The following PAPPA variants were observed in gnomAD, a reference collection of about 807,000 sequenced individuals.
The protein encoded by PAPPA is pappalysin 1.
In PAPPA, 60 loss-of-function variants were observed where a neutral mutation model predicts 164.0. That is an observed-to-expected ratio of 0.37 (90% CI 0.30 to 0.45). The LOEUF (loss-of-function observed/expected upper bound fraction) is 0.45, where lower values mean the gene tolerates loss of function less well. Among genes scored for constraint, PAPPA ranks in the 20% least tolerant of loss-of-function variants. The pLI is 1.00. For synonymous variants in PAPPA, 875 were observed against 814.1 expected, an observed-to-expected ratio of 1.07 and a Z score of -1.27; for missense variants, 1,782 against 2,087.3, an observed-to-expected ratio of 0.85 and a Z score of 2.85.
chr9:116,235,303 G>A lies in PAPPA; in HGVS notation c.2398G>A (p.Val800Met), dbSNP rs1338600568. 1.2e-6 allele frequency: 2 copies of A among 1,614,118 alleles called. No homozygotes were observed. The highest frequency in any genetic ancestry group is 1.7e-5 in the Admixed American group (1 of 60,024). ...PLVPESLTIWVTFVSTDWDSS... is the reference protein window; with the variant it reads ...PLVPESLTIWMTFVSTDWDSS... The stretch of plus-strand genomic sequence containing the variant: ...GGTCCCTGAGTCTCTGACCATTTGG[G>A]TGACCTTTGTCTCCACTGACTGGGA... The change falls in exon 7 of 22, where the codon GTG (valine) becomes ATG (methionine). Residue 800 changes from valine to methionine, a missense_variant. Physicochemically the swap from Val to Met is conservative, Grantham distance 21. Transcript: ENST00000328252.
chr9:116,378,984 G>C (rs1846691432), intron 20 of PAPPA, among the ~76,000 whole-genome samples: 1 of 152,186 alleles, frequency 6.6e-6, no homozygotes, highest in Non-Finnish European at 1.5e-5. Flanking sequence ...TCAAAGCCAA[G>C]GCCCTGTGGC....
intron 1 of PAPPA, among the ~76,000 whole-genome samples, chr9:116,168,296 A>G (rs979612699): frequency 7.2e-5 from 11 of 152,154 alleles, no homozygotes; most frequent in Non-Finnish European, 1.0e-4. Flanking sequence ...CAATTTTTAT[A>G]TATTATACAT....
At chr9:116,289,145 T>TAGC (rs1302450986) in intron 9 of PAPPA, among the ~76,000 whole-genome samples, 1 of 33,616 alleles carries the variant, frequency 3.0e-5, no homozygotes, top group Non-Finnish European at 6.0e-5. Context: ...TATATATATA[T>TAGC]ATATATATAT....
intron 2 of PAPPA, among the ~76,000 whole-genome samples, chr9:116,204,362 CG>C (rs781613346): frequency 6.4e-4 from 97 of 152,192 alleles, no homozygotes; most frequent in Middle Eastern, 6.8e-3. Flanking sequence ...TCCAACTCTG[CG>C]TGAGTCTGGG....
chr9:116,208,629 A>G (rs1184809936), intron 3 of PAPPA, among the ~76,000 whole-genome samples: 2 of 152,236 alleles, frequency 1.3e-5, no homozygotes, highest in Non-Finnish European at 2.9e-5. Context: ...GTTCAGGCTC[A>G]GCAGTGACAG....
rs1846517726 is a variant in PAPPA at position 116,367,567 on chromosome 9, G to A, written c.4496-78G>A. ...CCACCAGGGACCAGGGAGTGGGAGG[G>A]CCCACTCTGCAGGAGGGCAGTTTGC... On this transcript the variant is annotated intron_variant, in intron 18 of 21. Coordinates refer to ENST00000328252, the MANE Select transcript of PAPPA (RefSeq NM_002581.5). The A allele has an allele frequency of 4.9e-6, 5 of 1,018,800 alleles. No individual in the cohort carries two copies. In the South Asian group the frequency reaches 5.5e-5, roughly 11 times the overall value. The allele number at this position is 1,018,800 out of a possible 1,614,324, so 63.1% of individuals were successfully genotyped here. A position where few individuals can be genotyped will look rare whatever the true frequency, so the allele number is the denominator to read the frequency against.
chr9:116,271,528 A>G lies in PAPPA; in HGVS notation c.2953+112A>G. ...ACTAAATGATGATTCACTCCTTTGT[A>G]TTACACCTGTTTATTGAGTGCCTCC... On this transcript the variant is annotated intron_variant, in intron 9 of 21. Coordinates refer to ENST00000328252, the MANE Select transcript of PAPPA (RefSeq NM_002581.5). This position sits in a 1 kb window ranked among gnomAD's most constrained non-coding sequence, Gnocchi z 4.2. 3 of 785,822 alleles carry G rather than the reference A, an allele frequency of 3.8e-6. No homozygotes were observed. The highest frequency in any genetic ancestry group is 6.6e-6 in the Non-Finnish European group (3 of 453,934). 48.7% of individuals were successfully genotyped at this position (785,822 alleles called of 1,614,324 possible).
intron 19 of PAPPA, among the ~76,000 whole-genome samples, chr9:116,368,348 T>C (rs12353147): frequency 0.39 from 59,834 of 152,128 alleles, 12,717 homozygotes; most frequent in South Asian, 0.58. Flanking sequence ...CACAGTTGTA[T>C]GAGAGAAGGG....
chr9:116,289,580 G>A (rs1393577005), intron 9 of PAPPA, among the ~76,000 whole-genome samples: 5 of 151,928 alleles, frequency 3.3e-5, no homozygotes, highest in Non-Finnish European at 7.4e-5. Flanking sequence ...TAACATTTAT[G>A]CAGCATTCAG....
rs773976018 is a variant in PAPPA, at chr9:116,178,561, TC to T, written c.416-8592del. Among the ~76,000 whole-genome samples, 215 of 152,352 alleles carry T rather than the reference TC, an allele frequency of 1.4e-3. 1 individual carries two copies. Among genetic ancestry groups the T allele is most frequent in the Non-Finnish European group, 2.7e-3 (183 of 68,030 alleles). Reference sequence around the variant, plus strand: ...TATCAGTTTACATATGAGGAAACTATCAAGGAGATAAAGAGATTTTGTCCAA... The same window carrying T: ...TATCAGTTTACATATGAGGAAACTATAAGGAGATAAAGAGATTTTGTCCAA... On this transcript the variant is annotated intron_variant, in intron 1 of 21. Transcript: ENST00000328252.
chr9:116,268,383 C>T (rs1304780247), intron 8 of PAPPA, among the ~76,000 whole-genome samples: 1 of 152,180 alleles, frequency 6.6e-6, no homozygotes, highest in Non-Finnish European at 1.5e-5. Context: ...TCTGATGGAA[C>T]ATTGAACAAC....
At chr9:116,375,813 T>C (rs906511168) in intron 19 of PAPPA, among the ~76,000 whole-genome samples, 12 of 152,236 alleles carry the variant, frequency 7.9e-5, no homozygotes, top group Non-Finnish European at 1.2e-4. Flanking sequence ...CTCTTCATTT[T>C]TTAATTAAAA....
chr9:116,180,491 G>C (rs1384282038), intron 1 of PAPPA, among the ~76,000 whole-genome samples: 1 of 152,108 alleles, frequency 6.6e-6, no homozygotes, highest in Non-Finnish European at 1.5e-5. Flanking sequence ...GCTTAGTAAA[G>C]AGACTACTAA....
Position 116,154,709 on chromosome 9 carries a change from C to T in PAPPA, c.415+122C>T. 8.7e-7 allele frequency: 1 copy of T among 1,143,794 alleles called. No homozygotes were observed. Among genetic ancestry groups the T allele is most frequent in the South Asian group, 3.9e-5 (1 of 25,376 alleles). The allele number at this position is 1,143,794 out of a possible 1,614,324, so 70.9% of individuals were successfully genotyped here. On this transcript the variant is annotated intron_variant, in intron 1 of 21. Coordinates refer to ENST00000328252, the MANE Select transcript of PAPPA (RefSeq NM_002581.5). This position sits in a 1 kb window ranked among gnomAD's most constrained non-coding sequence, Gnocchi z 5.2. ...GGGCGTGTCTGTGCGAGAGCTGCCCCGCGAGCGGCGCAGAGACATCCGGGC... is the reference window on the plus strand; with the variant it reads ...GGGCGTGTCTGTGCGAGAGCTGCCCTGCGAGCGGCGCAGAGACATCCGGGC...
At chr9:116,207,409 A>ATTTAAATAGTG (rs759160223) in intron 2 of PAPPA, 47 bp from the exon 3 acceptor site, 1 of 1,559,292 alleles carries the variant, frequency 6.4e-7, no homozygotes, top group South Asian at 1.2e-5. Flanking sequence ...AGGGCCTGTT[A>ATTTAAATAGTG]TCTTTTTGGG....
intron 7 of PAPPA, among the ~76,000 whole-genome samples, chr9:116,260,313 T>A (rs13297786): frequency 0.18 from 27,710 of 152,222 alleles, 2,647 homozygotes; most frequent in Middle Eastern, 0.31. Flanking sequence ...TAGTATAGTC[T>A]GTACTTTTCT....
rs978596714 is a variant in PAPPA, at chr9:116,163,106, G to A, written c.415+8519G>A. ...TGCTGGGTACAGTTTTAGGCCTTGA[G>A]GACAGACCAGTCAACAAAAGAGAGA... On this transcript the variant is annotated intron_variant, in intron 1 of 21. Coordinates refer to ENST00000328252, the MANE Select transcript of PAPPA (RefSeq NM_002581.5). Among the ~76,000 whole-genome samples the A allele has an allele frequency of 1.8e-4, 27 of 152,300 alleles. 1 individual carries two copies. Among genetic ancestry groups the A allele is most frequent in the Middle Eastern group, 3.4e-3 (1 of 294 alleles).
intron 10 of PAPPA, among the ~76,000 whole-genome samples, chr9:116,324,008 G>GC (rs1845891887): frequency 6.6e-6 from 1 of 152,178 alleles, no homozygotes; most frequent in African/African-American, 2.4e-5. Flanking sequence ...GAAAAGGCCT[G>GC]TTTTGGTCTG....
At chr9:116,256,846 G>A (rs936662993) in intron 7 of PAPPA, among the ~76,000 whole-genome samples, 1 of 151,722 alleles carries the variant, frequency 6.6e-6, no homozygotes, top group Non-Finnish European at 1.5e-5. Flanking sequence ...AAAAGTTTGA[G>A]CTGATAAAAA....
Sources: allele counts gnomAD v4.1 joint callset (sites outside exome capture counted in the v4.1 genomes callset), GRCh38; gene constraint gnomAD v4.1.1; non-coding constraint Gnocchi (gnomAD v3.1); transcripts MANE v1.5; gene names NCBI Gene and HGNC (gene_info 2026-07-23, HGNC 2026-07-21).